Variants in ZNG1B observed in about 807,000 individuals in gnomAD.
ZNG1B encodes the protein Zn regulated GTPase metalloprotein activator 1B.
At chr2:113,444,735 G>A in the ZNG1B span, among the ~76,000 whole-genome samples, 2 of 151,968 alleles carry the variant, frequency 1.3e-5, no homozygotes, top group African/African-American at 4.8e-5. Flanking sequence ...TTTTAATAAA[G>A]TATTATTATG....
At chr2:113,472,386 C>T in the ZNG1B span, among the ~76,000 whole-genome samples, 1 of 151,582 alleles carries the variant, frequency 6.6e-6, no homozygotes, top group African/African-American at 2.4e-5. Context: ...TGGATATTAG[C>T]CCTTTGTCAG....
chr2:113,445,070 T>G, the ZNG1B span: 2 of 1,606,484 alleles, frequency 1.2e-6, no homozygotes, highest in Non-Finnish European at 1.7e-6. Flanking sequence ...GAAGTGAGGT[T>G]GTTAATAACC....
the ZNG1B span, among the ~76,000 whole-genome samples, chr2:113,481,195 T>C: frequency 6.9e-6 from 1 of 144,000 alleles, no homozygotes; most frequent in Admixed American, 7.0e-5. Flanking sequence ...AATGTTTTTC[T>C]AAAGTAATCT....
chr2:113,474,676 C>T, the ZNG1B span, among the ~76,000 whole-genome samples: 32,499 of 145,118 alleles, frequency 0.22, 4,139 homozygotes, highest in East Asian at 0.52. Context: ...CCCAGAGATT[C>T]TGGTATGTTG....
At chr2:113,466,560 C>A in the ZNG1B span, 1 of 985,008 alleles carries the variant, frequency 1.0e-6, no homozygotes, top group African/African-American at 1.8e-5. Context: ...TCCGTGAATT[C>A]TTCAGTGTAT....
the ZNG1B span, among the ~76,000 whole-genome samples, chr2:113,446,464 G>A: frequency 5.9e-5 from 9 of 152,094 alleles, no homozygotes; most frequent in Admixed American, 5.9e-4. Context: ...ATACAAGTAG[G>A]GGCTGGGCAT....
the ZNG1B span, chr2:113,465,287 TA>T: frequency 2.5e-6 from 1 of 397,124 alleles, no homozygotes; most frequent in Non-Finnish European, 4.7e-6. Context: ...TAAGTGCATT[TA>T]AAAAGAATTG....
At chr2:113,438,281 G>C in the ZNG1B span, among the ~76,000 whole-genome samples, 9 of 152,180 alleles carry the variant, frequency 5.9e-5, no homozygotes, top group Admixed American at 1.3e-4. Context: ...TTGACGCTAA[G>C]ACACGCCCCC....
chr2:113,467,188 A>G, the ZNG1B span, among the ~76,000 whole-genome samples: 2 of 149,348 alleles, frequency 1.3e-5, no homozygotes, highest in African/African-American at 4.9e-5. Context: ...GTAGCTGACA[A>G]GTACTGACAA....
chr2:113,438,786 T>C, the ZNG1B span, among the ~76,000 whole-genome samples: 1 of 152,202 alleles, frequency 6.6e-6, no homozygotes, highest in Non-Finnish European at 1.5e-5. Context: ...ATGACTGTAT[T>C]AGAAGTTTGG....
chr2:113,489,023 G>A, the ZNG1B span, among the ~76,000 whole-genome samples: 64 of 146,916 alleles, frequency 4.4e-4, no homozygotes, highest in African/African-American at 1.6e-3. Context: ...GAACATCTGG[G>A]AAATTCATCG....
the ZNG1B span, among the ~76,000 whole-genome samples, chr2:113,463,414 T>C: frequency 3.3e-5 from 5 of 152,196 alleles, no homozygotes; most frequent in African/African-American, 1.2e-4. Flanking sequence ...TCAGTTCATA[T>C]AGTATATATT....
chr2:113,452,128 C>G, the ZNG1B span, among the ~76,000 whole-genome samples: 2 of 152,204 alleles, frequency 1.3e-5, no homozygotes, highest in African/African-American at 2.4e-5. Flanking sequence ...GACATTGATT[C>G]AGCCCCTGTT....
the ZNG1B span, chr2:113,481,369 TA>T: frequency 6.6e-6 from 1 of 151,274 alleles, no homozygotes; most frequent in Non-Finnish European, 1.5e-5. Flanking sequence ...GGGAAGGATT[TA>T]ATTTGACATT....
At chr2:113,495,156 A>T in the ZNG1B span, 1 of 1,493,454 alleles carries the variant, frequency 6.7e-7, no homozygotes, top group Non-Finnish European at 9.0e-7. Flanking sequence ...ACAACAAGTG[A>T]TTGTCCAGGG....
At chr2:113,484,536 A>G in the ZNG1B span, among the ~76,000 whole-genome samples, 1 of 152,372 alleles carries the variant, frequency 6.6e-6, no homozygotes, top group East Asian at 1.9e-4. Flanking sequence ...CAAATGCTTC[A>G]TGAGGATAGT....
chr2:113,477,645 A>G, the ZNG1B span, among the ~76,000 whole-genome samples: 1 of 152,114 alleles, frequency 6.6e-6, no homozygotes. Context: ...GTGCATCAGT[A>G]TCTTTTTCTT....
At chr2:113,481,132 T>A in the ZNG1B span, among the ~76,000 whole-genome samples, 1 of 147,386 alleles carries the variant, frequency 6.8e-6, no homozygotes, top group African/African-American at 2.5e-5. Context: ...TAGGCAGTCA[T>A]TGTCCAACAA....
chr2:113,453,058 A>G, the ZNG1B span: 2 of 1,482,074 alleles, frequency 1.3e-6, no homozygotes, highest in Non-Finnish European at 1.8e-6. Context: ...TAATTTTATC[A>G]GGGCAAATTA....
Sources: allele counts gnomAD v4.1 joint callset (sites outside exome capture counted in the v4.1 genomes callset), GRCh38; gene constraint gnomAD v4.1.1; transcripts MANE v1.5; gene names NCBI Gene and HGNC (gene_info 2026-07-23, HGNC 2026-07-21).